PFDN2: variants seen among roughly 807,000 people sequenced by gnomAD.
PFDN2 encodes the protein prefoldin 2.
A neutral mutation model predicts 18.3 loss-of-function variants in PFDN2; 7 were observed. The observed-to-expected ratio is 0.38, with a 90% confidence interval of 0.22 to 0.72. The LOEUF (loss-of-function observed/expected upper bound fraction) is 0.72. Ranked by LOEUF, PFDN2 falls within the 30% of genes least tolerant of loss-of-function variation. PFDN2 has a pLI of 0.47. For synonymous variants in PFDN2, 76 were observed against 75.0 expected (o/e 1.01, Z -0.07); for missense variants, 181 against 199.1 (o/e 0.91, Z 0.55).
intron 1 of PFDN2, among the ~76,000 whole-genome samples, chr1:161,108,748 C>T (rs78241797): frequency 0.039 from 5,957 of 152,252 alleles, 156 homozygotes; most frequent in Middle Eastern, 0.16. Flanking sequence ...TTAATTTATA[C>T]TGCTACCAGC....
intron 1 of PFDN2, among the ~76,000 whole-genome samples, chr1:161,117,451 T>C (rs780754060): frequency 2.6e-5 from 4 of 152,194 alleles, no homozygotes; most frequent in Non-Finnish European, 5.9e-5. Flanking sequence ...AAATTCGATC[T>C]AGTAATGAAC....
chr1:161,114,668 T>C (rs1654870585), intron 1 of PFDN2, among the ~76,000 whole-genome samples: 1 of 152,212 alleles, frequency 6.6e-6, no homozygotes, highest in South Asian at 2.1e-4. Context: ...AGGTAGGTAT[T>C]GTTATGTTTC....
intron 1 of PFDN2, among the ~76,000 whole-genome samples, chr1:161,115,358 C>G (rs1471669931): frequency 6.6e-6 from 1 of 152,178 alleles, no homozygotes; most frequent in African/African-American, 2.4e-5. Context: ...GCCACGGCAC[C>G]TGGCCAACAA....
intron 1 of PFDN2, among the ~76,000 whole-genome samples, chr1:161,108,027 A>G (rs1416809063): frequency 6.6e-6 from 1 of 151,478 alleles, no homozygotes; most frequent in African/African-American, 2.4e-5. Context: ...AGGCAAAAGA[A>G]TCGCTTGAAC....
chr1:161,102,094 C>T lies in PFDN2; in HGVS notation c.242G>A (p.Arg81Gln), dbSNP rs147521864. 41 of 1,614,176 alleles carry T rather than the reference C, an allele frequency of 2.5e-5. No homozygotes were observed. Among genetic ancestry groups the T allele is most frequent in the Non-Finnish European group, 3.1e-5 (36 of 1,180,030 alleles). ...YRMVGGVLVE[R>Q]TVKEVLPALE... ...AGCGGGCAGCACCTCTTTGACAGTT[C>T]GCTCCACCAGCACTCCTCCAACCAT... Residue 81 changes from arginine to glutamine, a missense_variant, in exon 3 of 4, where the codon CGA becomes CAA. Physicochemically the swap from Arg to Gln is conservative, Grantham distance 43. Transcript: ENST00000368010.
chr1:161,110,807 T>C (rs896930064), intron 1 of PFDN2, among the ~76,000 whole-genome samples: 2 of 151,486 alleles, frequency 1.3e-5, no homozygotes, highest in African/African-American at 4.8e-5. Context: ...ACTCATCCCT[T>C]CTCTTCATGA....
chr1:161,107,786 A>T (rs1056217510), intron 1 of PFDN2, among the ~76,000 whole-genome samples: 6 of 151,756 alleles, frequency 4.0e-5, no homozygotes, highest in African/African-American at 1.5e-4. Flanking sequence ...ACTGCACTCC[A>T]ATCTGGGATA....
intron 1 of PFDN2, among the ~76,000 whole-genome samples, chr1:161,107,368 T>C (rs1654699699): frequency 7.6e-6 from 1 of 132,432 alleles, no homozygotes; most frequent in African/African-American, 2.9e-5. Context: ...GAGGTTGCAG[T>C]GAGCCGAGAT....
intron 1 of PFDN2, among the ~76,000 whole-genome samples, chr1:161,114,749 T>C (rs968223020): frequency 6.6e-6 from 1 of 152,088 alleles, no homozygotes; most frequent in African/African-American, 2.4e-5. Flanking sequence ...GAAATGAAAT[T>C]CAAACTTAGG....
At chr1:161,116,612 A>T (rs1044984293) in intron 1 of PFDN2, among the ~76,000 whole-genome samples, 30 of 152,320 alleles carry the variant, frequency 2.0e-4, no homozygotes, top group African/African-American at 6.5e-4. Context: ...TAGGACACTT[A>T]TCTTCTGCCT....
At position 161,118,019 on chromosome 1, in the gene PFDN2, T is replaced by G. The variant is rs767508343; in HGVS notation, c.8A>C (p.Glu3Ala). The change falls in exon 1 of 4, where the codon GAG (glutamate) becomes GCG (alanine). Residue 3 changes from glutamate to alanine, a missense_variant. Physicochemically the swap from Glu to Ala is moderately radical, Grantham distance 107 (BLOSUM62 -1). Transcript: ENST00000368010. MAENSGRAGKSSG... is the reference protein window; with the variant it reads MAANSGRAGKSSG... ...GCTCTTGCCGGCGCGACCGCTGTTC[T>G]CCGCCATCTTCGCCGCCTGCTGGGT... 21 of 1,611,532 alleles carry G rather than the reference T, an allele frequency of 1.3e-5. No individual in the cohort carries two copies. Among genetic ancestry groups the G allele is most frequent in the Admixed American group, 8.3e-5 (5 of 59,894 alleles).
At chr1:161,101,911 T>C in intron 3 of PFDN2, 137 bp downstream of exon 3, 1 of 795,050 alleles carries the variant, frequency 1.3e-6, no homozygotes, top group Non-Finnish European at 2.0e-6. Context: ...TTTTGTATTT[T>C]TTGTAGTGAT....
intron 3 of PFDN2, among the ~76,000 whole-genome samples, chr1:161,101,766 T>C (rs1048463633): frequency 9.9e-5 from 15 of 152,084 alleles, no homozygotes; most frequent in African/African-American, 3.4e-4. Context: ...TGCCCTCCTT[T>C]TATCTGAGAC....
chr1:161,106,273 G>A (rs1280414393), intron 1 of PFDN2, among the ~76,000 whole-genome samples: 3 of 152,106 alleles, frequency 2.0e-5, no homozygotes, highest in Non-Finnish European at 4.4e-5. Flanking sequence ...ACAGAACCAT[G>A]AGCCAATTAA....
At chr1:161,105,972 G>A (rs1279296959) in intron 1 of PFDN2, among the ~76,000 whole-genome samples, 1 of 152,122 alleles carries the variant, frequency 6.6e-6, no homozygotes, top group African/African-American at 2.4e-5. Flanking sequence ...TCCCCTCTAA[G>A]TTTCATATTG....
intron 1 of PFDN2, among the ~76,000 whole-genome samples, chr1:161,114,623 G>T (rs1654869860): frequency 6.6e-6 from 1 of 152,184 alleles, no homozygotes; most frequent in African/African-American, 2.4e-5. Context: ...CACTTCGCAT[G>T]CATTGTCTTG....
At position 161,109,150 on chromosome 1, in the gene PFDN2, T is replaced by C. The variant is rs1571186461; in HGVS notation, c.76-6775A>G. Among the ~76,000 whole-genome samples, 4 of 152,336 alleles carry C rather than the reference T, an allele frequency of 2.6e-5. No homozygotes were observed. In the East Asian group the frequency reaches 7.7e-4, roughly 29 times the overall value. On this transcript the variant is annotated intron_variant, in intron 1 of 3. Transcript: ENST00000368010. ...CTCCACATCTTAACTCAGCACTCAG[T>C]GTCCTAAGTCACTGGTAGTTTCCCT... is the stretch of plus-strand genomic sequence containing the variant.
Position 161,100,795 on chromosome 1 carries a change from A to G in PFDN2, c.353T>C (p.Phe118Ser). The G allele has an allele frequency of 6.2e-7, 1 of 1,613,806 alleles. No individual in the cohort carries two copies. The highest frequency in any genetic ancestry group is 8.5e-7 in the Non-Finnish European group (1 of 1,179,820). Residue 118 changes from phenylalanine to serine, a missense_variant, in exon 4 of 4, where the codon TTC (phenylalanine) becomes TCC (serine). Phe to Ser is a radical substitution (Grantham distance 155, BLOSUM62 -2). Transcript: ENST00000368010. ...LQAKGKELNE[F>S]REKHNIRLMG... Reference sequence around the variant, plus strand: ...GAGACGAATGTTGTGCTTTTCCCGGAATTCATTTAGTTCTTTTCCCTTTGC... The same window carrying G: ...GAGACGAATGTTGTGCTTTTCCCGGGATTCATTTAGTTCTTTTCCCTTTGC...
At position 161,107,729 on chromosome 1, in the gene PFDN2, C is replaced by T. The variant is rs200525010; in HGVS notation, c.76-5354G>A. 3.6e-4 allele frequency among the ~76,000 whole-genome samples: 55 copies of T among 150,996 alleles called. No homozygotes were observed. In the East Asian group the frequency reaches 8.9e-3, roughly 24 times the overall value. On this transcript the variant is annotated intron_variant, in intron 1 of 3. Coordinates refer to ENST00000368010, the MANE Select transcript of PFDN2 (RefSeq NM_012394.4). ...ACTTGGGAGGCTGAGGCAGGAGAAT[C>T]GCTTGAACTCGGGAGGTGAAGGTAG...
Sources: gnomAD v4.1 joint callset for allele counts (sites outside exome capture counted in the v4.1 genomes callset) on GRCh38, gnomAD v4.1.1 for gene constraint, MANE v1.5 for transcripts, NCBI Gene and HGNC (gene_info 2026-07-23, HGNC 2026-07-21) for gene names.